Variants in PRKG1 observed in about 807,000 individuals in gnomAD.
The protein encoded by PRKG1 is protein kinase cGMP-dependent 1.
In PRKG1, 35 loss-of-function variants were observed where a neutral mutation model predicts 88.1. The observed-to-expected ratio is 0.40, with a 90% confidence interval of 0.30 to 0.53. The LOEUF (loss-of-function observed/expected upper bound fraction) is 0.53, where lower values mean the gene tolerates loss of function less well. PRKG1 is among the 20% of genes least tolerant of loss of function. PRKG1 has a pLI of 0.59. For missense variants in PRKG1, 540 were observed against 839.8 expected (o/e 0.64, Z 4.41); for synonymous variants, 303 against 292.5 (o/e 1.04, Z -0.37).
At chr10:51,495,907 A>G (rs1050964992) in intron 3 of PRKG1, among the ~76,000 whole-genome samples, 6 of 152,200 alleles carry the variant, frequency 3.9e-5, no homozygotes, top group African/African-American at 1.4e-4. Context: ...CGTGTGGCCA[A>G]TTTGATCAAC....
intron 5 of PRKG1, among the ~76,000 whole-genome samples, chr10:51,946,632 G>T (rs1200966664): frequency 6.6e-6 from 1 of 152,022 alleles, no homozygotes; most frequent in Non-Finnish European, 1.5e-5. Flanking sequence ...GTACAGGTGG[G>T]TTTTTGGTGC....
chr10:51,583,133 A>G (rs889496625), intron 3 of PRKG1, among the ~76,000 whole-genome samples: 6 of 152,140 alleles, frequency 3.9e-5, no homozygotes, highest in African/African-American at 1.4e-4. Flanking sequence ...AGAATATAGC[A>G]CAGTAGTAAG....
At chr10:51,941,121 C>A (rs1443302869) in intron 5 of PRKG1, among the ~76,000 whole-genome samples, 1 of 149,148 alleles carries the variant, frequency 6.7e-6, no homozygotes, top group African/African-American at 2.4e-5. Flanking sequence ...AAAAACAGAG[C>A]ATCTTAGAAT....
intron 2 of PRKG1, among the ~76,000 whole-genome samples, chr10:51,415,233 C>T (rs1172640247): frequency 5.9e-5 from 9 of 152,286 alleles, no homozygotes; most frequent in African/African-American, 2.2e-4. Context: ...ATGCTGAGAA[C>T]TTTGTGTATC....
At chr10:51,890,287 A>G (rs917857973) in intron 4 of PRKG1, among the ~76,000 whole-genome samples, 3 of 152,166 alleles carry the variant, frequency 2.0e-5, no homozygotes, top group Non-Finnish European at 4.4e-5. Flanking sequence ...AATTCCTCCT[A>G]TTTCTACCTA....
intron 2 of PRKG1, among the ~76,000 whole-genome samples, chr10:51,344,718 A>C (rs1462007687): frequency 6.6e-6 from 1 of 152,166 alleles, no homozygotes; most frequent in East Asian, 1.9e-4. Flanking sequence ...TTTGAAGAGA[A>C]GGTTCATGAT....
chr10:51,204,107 G>A (rs1190335177), intron 2 of PRKG1, among the ~76,000 whole-genome samples: 2 of 152,034 alleles, frequency 1.3e-5, no homozygotes, highest in Non-Finnish European at 1.5e-5. Flanking sequence ...ATTTCATTTA[G>A]GATGAGTGAA....
chr10:51,354,844 T>C (rs1842330396), intron 2 of PRKG1, among the ~76,000 whole-genome samples: 1 of 152,074 alleles, frequency 6.6e-6, no homozygotes, highest in African/African-American at 2.4e-5. Context: ...ACTTGTCTGT[T>C]TTGATTAAAG....
intron 9 of PRKG1, among the ~76,000 whole-genome samples, chr10:52,188,423 A>AC (rs1235899752): frequency 5.3e-5 from 8 of 150,574 alleles, no homozygotes; most frequent in Admixed American, 1.3e-4. Context: ...ATCATAGCTC[A>AC]TTGGAGCCTC....
chr10:51,885,878 A>G (rs1841556399), intron 4 of PRKG1, among the ~76,000 whole-genome samples: 2 of 152,202 alleles, frequency 1.3e-5, no homozygotes. Context: ...ATTATAAATT[A>G]TCTATTACTT....
intron 3 of PRKG1, among the ~76,000 whole-genome samples, chr10:51,791,688 T>G (rs1013521086): frequency 6.6e-6 from 1 of 152,090 alleles, no homozygotes; most frequent in Non-Finnish European, 1.5e-5. Flanking sequence ...AAGCAAGGTA[T>G]AGTGGCAAAA....
At chr10:51,603,909 C>T (rs939668720) in intron 3 of PRKG1, among the ~76,000 whole-genome samples, 2 of 152,202 alleles carry the variant, frequency 1.3e-5, no homozygotes, top group Non-Finnish European at 1.5e-5. Flanking sequence ...TCTTCAATTA[C>T]TAGCAAGGCT....
chr10:51,664,700 A>G (rs1292894610), intron 3 of PRKG1, among the ~76,000 whole-genome samples: 3 of 151,944 alleles, frequency 2.0e-5, no homozygotes, highest in Non-Finnish European at 4.4e-5. Context: ...CATCTTTGTT[A>G]AGAAAAATAA....
At chr10:51,315,343 G>A (rs1315859091) in intron 2 of PRKG1, among the ~76,000 whole-genome samples, 2 of 152,144 alleles carry the variant, frequency 1.3e-5, no homozygotes, top group Non-Finnish European at 2.9e-5. Context: ...CTGAATATAC[G>A]GGTGCAAATA....
intron 3 of PRKG1, among the ~76,000 whole-genome samples, chr10:51,605,540 A>C (rs1251864197): frequency 6.6e-6 from 1 of 152,224 alleles, no homozygotes; most frequent in African/African-American, 2.4e-5. Flanking sequence ...AGAAACAAAC[A>C]TAATACTTTA....
intron 3 of PRKG1, chr10:51,697,972 T>G: frequency 1.2e-6 from 2 of 1,604,354 alleles, no homozygotes; most frequent in African/African-American, 1.3e-5. Flanking sequence ...CCTGCATCCC[T>G]CCTCCTTGTA....
At chr10:51,173,624 C>T (rs9414855) in intron 2 of PRKG1, among the ~76,000 whole-genome samples, 10,005 of 151,868 alleles carry the variant, frequency 0.066, 693 homozygotes, top group African/African-American at 0.17. Context: ...GTTTAGCTTT[C>T]GATGTCTTCT....
In PRKG1 at chr10:51,850,317, C is replaced by T. The variant is rs112951385; in HGVS notation, c.698+45627C>T. Among the ~76,000 whole-genome samples the T allele has an allele frequency of 6.7e-3, 1,013 of 152,232 alleles. 13 individuals are homozygous for T. The highest frequency in any genetic ancestry group is 0.023 in the African/African-American group (966 of 41,558). ...TCAGCCTCCCAAGTAGCTGGGATTACGGGCACCCACCATCACACCCAGCTA... is the reference window on the plus strand; with the variant it reads ...TCAGCCTCCCAAGTAGCTGGGATTATGGGCACCCACCATCACACCCAGCTA... On this transcript the variant is annotated intron_variant, in intron 4 of 17. Coordinates refer to ENST00000373980, the MANE Select transcript of PRKG1 (RefSeq NM_006258.4).
At chr10:51,991,816 T>C (rs1844315191) in intron 5 of PRKG1, among the ~76,000 whole-genome samples, 1 of 152,238 alleles carries the variant, frequency 6.6e-6, no homozygotes, top group Admixed American at 6.5e-5. Context: ...GTCTTTGCTA[T>C]TGTATAGTGC....
Sources: gnomAD v4.1 joint callset for allele counts (sites outside exome capture counted in the v4.1 genomes callset) on GRCh38, gnomAD v4.1.1 for gene constraint, MANE v1.5 for transcripts, NCBI Gene and HGNC (gene_info 2026-07-23, HGNC 2026-07-21) for gene names.